Variants in CCDC74A observed in about 807,000 individuals in gnomAD.
CCDC74A encodes the protein coiled-coil domain-containing protein 74A.
CCDC74A carries 38 observed loss-of-function variants against 37.6 expected under a neutral mutation model. That is an observed-to-expected ratio of 1.01 (90% CI 0.78 to 1.33). CCDC74A has a LOEUF of 1.33. Among genes scored for constraint, CCDC74A ranks in the 40% most tolerant of loss-of-function variants. The probability of loss-of-function intolerance (pLI) is 0.00; values close to 1 mark genes in which losing one functional copy is unlikely to be tolerated. For synonymous variants in CCDC74A, 134 were observed against 165.2 expected, an observed-to-expected ratio of 0.81 and a Z score of 1.45; for missense variants, 340 against 403.4, an observed-to-expected ratio of 0.84 and a Z score of 1.35.
chr2:131,528,520 T>C (rs1322963183), intron 1 of CCDC74A: 32 of 1,385,500 alleles, frequency 2.3e-5, no homozygotes, highest in Non-Finnish European at 3.1e-5. Context: ...TTAAAAACTT[T>C]ATAGAGGGGC....
At position 131,529,764 on chromosome 2, in the gene CCDC74A, C is replaced by A. The variant is rs768698531; in HGVS notation, c.295+73C>A. 28 of 1,585,488 alleles carry A rather than the reference C, an allele frequency of 1.8e-5. No homozygotes were observed. In the East Asian group the frequency reaches 6.0e-4, roughly 34 times the overall value. On this transcript the variant is annotated intron_variant, in intron 2 of 7. Transcript: ENST00000409856. ...GGGGAGCCCCTCCAGACTGTCCTTG[C>A]CCACCTGGCTGCACTGGCCCCTGTA...
upstream of CCDC74A, chr2:131,527,799 A>G (rs1680427809): frequency 4.8e-6 from 4 of 838,818 alleles, no homozygotes; most frequent in Non-Finnish European, 6.9e-6. Flanking sequence ...CCAGCCCTGG[A>G]TGCCTTGTAA....
intron 4 of CCDC74A, 153 bp downstream of exon 4, chr2:131,531,955 T>C (rs1242284614): frequency 7.3e-6 from 8 of 1,090,486 alleles, no homozygotes; most frequent in Non-Finnish European, 1.0e-5. Context: ...GGGCTCATGA[T>C]AGCAGATGAC....
chr2:131,532,828 C>T, intron 5 of CCDC74A, 36 bp from the exon 6 acceptor site: 1 of 1,613,058 alleles, frequency 6.2e-7, no homozygotes, highest in African/African-American at 1.3e-5. Context: ...CTGGCACCGC[C>T]ACAGGCCCCA....
intron 4 of CCDC74A, among the ~76,000 whole-genome samples, chr2:131,532,363 A>G (rs534878339): frequency 1.5e-3 from 220 of 148,672 alleles, no homozygotes; most frequent in African/African-American, 5.3e-3. Flanking sequence ...CTAGCTGGTC[A>G]CCCACTGAAG....
chr2:131,522,951 C>G (rs1337845206), upstream of CCDC74A, among the ~76,000 whole-genome samples: 3 of 152,142 alleles, frequency 2.0e-5, no homozygotes, highest in Non-Finnish European at 4.4e-5. Flanking sequence ...ATTGCCCAGG[C>G]TGGAGTGCAC....
rs531656696 is a variant in CCDC74A at position 131,529,539 on chromosome 2, G to C, written c.251-108G>C. On this transcript the variant is annotated intron_variant, in intron 1 of 7. Transcript: ENST00000409856. Reference sequence around the variant, plus strand: ...GGGGCAGGGCCCAATCAGCCAGTGGGGGGGCAGGACTTTTGGGCTCAGCAG... The same window carrying C: ...GGGGCAGGGCCCAATCAGCCAGTGGCGGGGCAGGACTTTTGGGCTCAGCAG... 6.0e-5 allele frequency: 87 copies of C among 1,454,552 alleles called. 1 individual carries two copies. The South Asian group carries it at 7.2e-4, about 12-fold the overall frequency. 90.1% of individuals were successfully genotyped at this position (1,454,552 alleles called of 1,614,324 possible).
intron 1 of CCDC74A, 143 bp from the exon 2 acceptor site, chr2:131,529,504 C>T (rs776937225): frequency 1.2e-5 from 13 of 1,095,294 alleles, no homozygotes; most frequent in East Asian, 2.4e-5. Flanking sequence ...TGGTGGAGAG[C>T]GGGATCCATG....
At chr2:131,524,258 ATT>A (rs1680221034), upstream of CCDC74A, among the ~76,000 whole-genome samples, 5 of 152,062 alleles carry the variant, frequency 3.3e-5, no homozygotes, top group Admixed American at 3.3e-4. Flanking sequence ...TATTGTGTTT[ATT>A]TGGAGAGTAA....
At chr2:131,528,398 G>A (rs1680557005) in intron 1 of CCDC74A, 178 bp downstream of exon 1, 3 of 1,550,360 alleles carry the variant, frequency 1.9e-6, no homozygotes, top group East Asian at 2.4e-5. Flanking sequence ...AGGGAGACCC[G>A]CGTGGCCCCC....
At chr2:131,532,560 A>G (rs1681532788) in intron 4 of CCDC74A, 29 bp from the exon 5 acceptor site, 2 of 1,525,832 alleles carry the variant, frequency 1.3e-6, no homozygotes, top group African/African-American at 2.8e-5. Context: ...TGGGCAGGTC[A>G]CCTCTGGCTG....
intron 1 of CCDC74A, 109 bp from the exon 2 acceptor site, chr2:131,529,538 G>T (rs757133118): frequency 2.1e-5 from 30 of 1,446,282 alleles, no homozygotes; most frequent in African/African-American, 1.7e-4. Flanking sequence ...TCAGCCAGTG[G>T]GGGGGCAGGA....
rs565024632 is a variant in CCDC74A at position 131,530,306 on chromosome 2, G to A, written c.296-471G>A. The A allele has an allele frequency of 5.9e-4, 904 of 1,543,132 alleles. 4 individuals carry two copies. Among genetic ancestry groups the A allele is most frequent in the Admixed American group, 8.0e-4 (41 of 50,988 alleles). Reference sequence around the variant, plus strand: ...TTGGGGCTGGGGCTGACATCAGGAGGACATCTGACTGGTGGATGGAGCCAG... The same window carrying A: ...TTGGGGCTGGGGCTGACATCAGGAGAACATCTGACTGGTGGATGGAGCCAG... On this transcript the variant is annotated intron_variant, in intron 2 of 7. Coordinates refer to ENST00000409856, the MANE Select transcript of CCDC74A (RefSeq NM_001258306.3).
At chr2:131,522,605 T>C in the CCDC74A span, among the ~76,000 whole-genome samples, 3 of 152,154 alleles carry the variant, frequency 2.0e-5, no homozygotes, top group Non-Finnish European at 2.9e-5. Context: ...CAGCGCAGCT[T>C]CAGGCTGTCC....
chr2:131,524,222 C>A (rs1253926930), upstream of CCDC74A, among the ~76,000 whole-genome samples: 2 of 152,140 alleles, frequency 1.3e-5, no homozygotes, highest in Non-Finnish European at 2.9e-5. Context: ...CGGACACCTT[C>A]CACTGCTAAC....
chr2:131,532,609 C>G lies in CCDC74A; in HGVS notation c.506C>G (p.Ser169Cys). 2 of 1,598,438 alleles carry G rather than the reference C, an allele frequency of 1.3e-6. No individual in the cohort carries two copies. The highest frequency in any genetic ancestry group is 1.7e-6 in the Non-Finnish European group (2 of 1,172,822). Residue 169 changes from serine to cysteine, a missense_variant, in exon 5 of 8, where the codon TCT becomes TGT. Coordinates refer to ENST00000409856, the MANE Select transcript of CCDC74A (RefSeq NM_001258306.3). ...GQARKEKAEA[S>C]NAGAACMGNS... is the part of the protein sequence containing the mutation. The stretch of plus-strand genomic sequence containing the variant: ...TTCAGAAAGGAGAAAGCAGAGGCCT[C>G]TAATGCAGGAGCTGCCTGTATGGGG...
intron 1 of CCDC74A, 163 bp from the exon 2 acceptor site, chr2:131,529,480 CCACG>C (rs747223445): frequency 1.1e-5 from 10 of 902,834 alleles, no homozygotes; most frequent in Non-Finnish European, 1.8e-5. Context: ...GGCCTGACAC[CCACG>C]ACGAAGGCGT....
chr2:131,529,883 G>C, intron 2 of CCDC74A, 192 bp downstream of exon 2: 1 of 1,496,366 alleles, frequency 6.7e-7, no homozygotes. Flanking sequence ...AGCACAGCAC[G>C]TGCTGCTCTC....
At chr2:131,525,462 C>T (rs1316459472), upstream of CCDC74A, among the ~76,000 whole-genome samples, 2 of 152,154 alleles carry the variant, frequency 1.3e-5, no homozygotes, top group Admixed American at 6.5e-5. Context: ...AAGAGATGCT[C>T]CTGCTTTGGC....
Sources: allele counts gnomAD v4.1 joint callset (sites outside exome capture counted in the v4.1 genomes callset), GRCh38; gene constraint gnomAD v4.1.1; transcripts MANE v1.5; gene names NCBI Gene and HGNC (gene_info 2026-07-23, HGNC 2026-07-21).